RYR2: variants seen among roughly 807,000 people sequenced by gnomAD.
RYR2 encodes cardiac muscle ryanodine receptor-calcium release channel.
RYR2 carries 227 observed loss-of-function variants against 601.1 expected under a neutral mutation model. The observed-to-expected ratio is 0.38, with a 90% CI of 0.34 to 0.42. The LOEUF (loss-of-function observed/expected upper bound fraction) is 0.42. Among genes scored for constraint, RYR2 ranks in the 10% least tolerant of loss-of-function variants. RYR2 has a pLI of 1.00. For missense variants in RYR2, 4,646 were observed against 6,156.5 expected, an observed-to-expected ratio of 0.75 and a Z score of 8.21; for synonymous variants, 2,223 against 2,175.1, an observed-to-expected ratio of 1.02 and a Z score of -0.61.
chr1:237,633,181 A>G (rs1680525813), intron 42 of RYR2, among the ~76,000 whole-genome samples: 1 of 152,142 alleles, frequency 6.6e-6, no homozygotes, highest in Non-Finnish European at 1.5e-5. Context: ...AGCTCAATGA[A>G]TTCACTCCCC....
At chr1:237,121,598 T>C (rs1318344468) in intron 1 of RYR2, among the ~76,000 whole-genome samples, 1 of 152,152 alleles carries the variant, frequency 6.6e-6, no homozygotes, top group Non-Finnish European at 1.5e-5. Flanking sequence ...TCATTAGCCA[T>C]TGAGGAGCTG....
At chr1:237,242,268 A>C (rs1280501285) in intron 1 of RYR2, among the ~76,000 whole-genome samples, 1 of 151,588 alleles carries the variant, frequency 6.6e-6, no homozygotes, top group East Asian at 1.9e-4. Context: ...AAATCCTCAG[A>C]GATTTTTAAA....
chr1:237,190,289 C>G (rs1679837101), intron 1 of RYR2, among the ~76,000 whole-genome samples: 1 of 152,154 alleles, frequency 6.6e-6, no homozygotes, highest in Admixed American at 6.5e-5. Context: ...ATTTTCCTTT[C>G]TGTTGATAGT....
At chr1:237,273,273 C>T (rs1209532027) in intron 2 of RYR2, among the ~76,000 whole-genome samples, 1 of 152,116 alleles carries the variant, frequency 6.6e-6, no homozygotes, top group Non-Finnish European at 1.5e-5. Flanking sequence ...GTTTGCACTC[C>T]TGTGAGAATC....
At chr1:237,592,240 T>C (rs1675285521) in intron 32 of RYR2, among the ~76,000 whole-genome samples, 1 of 152,212 alleles carries the variant, frequency 6.6e-6, no homozygotes, top group South Asian at 2.1e-4. Flanking sequence ...TTCTCAAAGC[T>C]ACTTCTCCTA....
intron 29 of RYR2, among the ~76,000 whole-genome samples, chr1:237,580,155 CTTT>C (rs58145628): frequency 1.7e-5 from 2 of 116,586 alleles, no homozygotes; most frequent in Admixed American, 9.5e-5. Flanking sequence ...CACAACAATT[CTTT>C]TTTTTTTTTT....
chr1:237,206,056 C>T (rs1399415896), intron 1 of RYR2, among the ~76,000 whole-genome samples: 3 of 152,208 alleles, frequency 2.0e-5, no homozygotes, highest in Admixed American at 1.3e-4. Flanking sequence ...GCGGGTGCTC[C>T]AGGAGCTCCG....
At chr1:237,174,633 C>T (rs1677809671) in intron 1 of RYR2, among the ~76,000 whole-genome samples, 1 of 152,118 alleles carries the variant, frequency 6.6e-6, no homozygotes, top group Non-Finnish European at 1.5e-5. Flanking sequence ...CCCCTTAGAC[C>T]TAATCTGAGA....
Position 237,707,136 on chromosome 1 carries a change from C to T in RYR2, c.9768C>T (p.Asn3256=), listed in dbSNP as rs574525966. Residue 3256 remains asparagine (N), a synonymous_variant, in exon 68 of 105, where the codon AAC becomes AAT. Transcript: ENST00000366574. ...MSRWWEHGPE[N]NPERAEMCCT... ...GTTGGTGGGAGCATGGACCTGAGAA[C>T]AATCCAGAACGGGCCGAGATGTGCT... is the stretch of plus-strand genomic sequence containing the variant. 6.2e-6 allele frequency: 10 copies of T among 1,613,732 alleles called. No individual in the cohort carries two copies. Among genetic ancestry groups the T allele is most frequent in the Non-Finnish European group, 8.5e-6 (10 of 1,179,854 alleles).
chr1:237,648,349 G>C (rs896775504), intron 48 of RYR2, 95 bp from the exon 49 acceptor site: 2 of 1,086,448 alleles, frequency 1.8e-6, no homozygotes, highest in African/African-American at 3.2e-5. Context: ...ATTGAAAACT[G>C]TGTTTAAAAT....
chr1:237,225,400 G>T (rs1424740014), intron 1 of RYR2, among the ~76,000 whole-genome samples: 3 of 152,166 alleles, frequency 2.0e-5, no homozygotes, highest in Non-Finnish European at 4.4e-5. Context: ...AGGGCGAAAG[G>T]CACGTCTTAC....
intron 17 of RYR2, among the ~76,000 whole-genome samples, chr1:237,479,286 C>CAGAAT (rs1401687397): frequency 6.6e-6 from 1 of 152,232 alleles, no homozygotes; most frequent in East Asian, 1.9e-4. Flanking sequence ...ATTCTGCACA[C>CAGAAT]AGTGCCCTAT....
In RYR2 at chr1:237,532,999, TAGAC is replaced by T. The variant is rs533683492; in HGVS notation, c.2906+2493_2906+2496del. On this transcript the variant is annotated intron_variant, in intron 25 of 104. Transcript: ENST00000366574. ...AGATGATAGATTGATAGCTAGATGA[TAGAC>T]AGATAGATGGATGGGGCACAGGGTT... Among the ~76,000 whole-genome samples the T allele has an allele frequency of 5.8e-4, 88 of 152,338 alleles. 1 individual carries two copies. Among genetic ancestry groups the T allele is most frequent in the African/African-American group, 1.9e-3 (79 of 41,592 alleles).
intron 1 of RYR2, among the ~76,000 whole-genome samples, chr1:237,155,290 C>T (rs1320648980): frequency 6.6e-6 from 1 of 151,112 alleles, no homozygotes; most frequent in Non-Finnish European, 1.5e-5. Flanking sequence ...ACTCTCCTAC[C>T]TCAGCCTCCC....
intron 35 of RYR2, among the ~76,000 whole-genome samples, chr1:237,608,340 G>A (rs1433584357): frequency 2.0e-5 from 3 of 152,144 alleles, no homozygotes; most frequent in African/African-American, 7.2e-5. Flanking sequence ...ACAACTCGGA[G>A]TAAAGGAATT....
intron 1 of RYR2, among the ~76,000 whole-genome samples, chr1:237,210,143 G>A (rs1682408766): frequency 6.6e-6 from 1 of 151,820 alleles, no homozygotes. Context: ...AATAAATTTG[G>A]AATCATCCTG....
At chr1:237,227,739 G>A (rs1684542137) in intron 1 of RYR2, among the ~76,000 whole-genome samples, 1 of 152,158 alleles carries the variant, frequency 6.6e-6, no homozygotes, top group African/African-American at 2.4e-5. Context: ...GCCCAGGGCG[G>A]GTTCTTGCCT....
At chr1:237,522,624 C>T (rs941288303) in intron 24 of RYR2, among the ~76,000 whole-genome samples, 2 of 152,110 alleles carry the variant, frequency 1.3e-5, no homozygotes, top group African/African-American at 4.8e-5. Context: ...TTTTTGTTAC[C>T]ATTTTTCAAA....
intron 17 of RYR2, among the ~76,000 whole-genome samples, chr1:237,472,631 A>G (rs1421607562): frequency 6.6e-6 from 1 of 152,100 alleles, no homozygotes; most frequent in Non-Finnish European, 1.5e-5. Flanking sequence ...GATTTAGAAT[A>G]TATTTTTAAG....
Sources: allele counts gnomAD v4.1 joint callset (sites outside exome capture counted in the v4.1 genomes callset), GRCh38; gene constraint gnomAD v4.1.1; transcripts MANE v1.5; gene names NCBI Gene and HGNC (gene_info 2026-07-23, HGNC 2026-07-21).